CELF2: variants seen among roughly 807,000 people sequenced by gnomAD.
The protein encoded by CELF2 is CUGBP Elav-like family member 2.
Under a neutral mutation model 62.6 loss-of-function variants are expected in CELF2, and 8 were observed. That is an observed-to-expected ratio of 0.13 (90% CI 0.07 to 0.23). CELF2 has a LOEUF of 0.23. Among genes scored for constraint, CELF2 ranks in the 10% least tolerant of loss-of-function variants. CELF2 has a pLI of 1.00. For synonymous variants in CELF2, 258 were observed against 250.0 expected, an observed-to-expected ratio of 1.03 and a Z score of -0.30; for missense variants, 333 against 671.0, an observed-to-expected ratio of 0.50 and a Z score of 5.56.
intron 2 of CELF2, among the ~76,000 whole-genome samples, chr10:10,979,843 A>G (rs1172900495): frequency 6.6e-6 from 1 of 152,228 alleles, no homozygotes; most frequent in Non-Finnish European, 1.5e-5. Context: ...TGATAACAGT[A>G]AAGTGAAAAA....
intron 1 of CELF2, among the ~76,000 whole-genome samples, chr10:10,807,326 C>T (rs1478004876): frequency 1.3e-5 from 2 of 152,206 alleles, no homozygotes; most frequent in Admixed American, 6.5e-5. Flanking sequence ...AGGTATCAGC[C>T]TAGTTCTTCC....
At chr10:10,668,928 AGCCTG>A in the CELF2 span, among the ~76,000 whole-genome samples, 1 of 152,188 alleles carries the variant, frequency 6.6e-6, no homozygotes, top group East Asian at 1.9e-4. Flanking sequence ...ACTACACTCC[AGCCTG>A]GGCAACAGAG....
At chr10:11,148,791 C>T (rs2062744777) in intron 1 of CELF2, among the ~76,000 whole-genome samples, 1 of 151,964 alleles carries the variant, frequency 6.6e-6, no homozygotes. Flanking sequence ...ATATCTGCCT[C>T]CAGCCAGCCA....
chr10:10,958,218 G>A (rs1250732143), intron 2 of CELF2, among the ~76,000 whole-genome samples: 1 of 152,224 alleles, frequency 6.6e-6, no homozygotes, highest in East Asian at 1.9e-4. Flanking sequence ...GCTGAAATCT[G>A]TGCTTGGCTT....
At chr10:11,241,303 G>A (rs750949974) in intron 3 of CELF2, among the ~76,000 whole-genome samples, 1 of 152,204 alleles carries the variant, frequency 6.6e-6, no homozygotes, top group South Asian at 2.1e-4. Context: ...AGGTTCAAGC[G>A]ATTCTCCTGC....
In CELF2 at chr10:11,290,821, T is replaced by C. The variant is rs962213244; in HGVS notation, c.976+2269T>C. ...ACTGAGGAATGCTTTGCATAATAAC[T>C]GAAAGTATTTTATTAGAATCCTAAA... On this transcript the variant is annotated intron_variant, in intron 9 of 12. Coordinates refer to ENST00000633077, the MANE Select transcript of CELF2 (RefSeq NM_001326342.2). This position sits in a 1 kb window ranked among gnomAD's most constrained non-coding sequence, Gnocchi z 4.3. Among the ~76,000 whole-genome samples, 1 of 152,228 alleles carries C rather than the reference T, an allele frequency of 6.6e-6. No individual in the cohort carries two copies. Among genetic ancestry groups the C allele is most frequent in the Non-Finnish European group, 1.5e-5 (1 of 68,042 alleles).
the CELF2 span, among the ~76,000 whole-genome samples, chr10:10,590,884 C>T: frequency 6.6e-6 from 1 of 152,070 alleles, no homozygotes; most frequent in African/African-American, 2.4e-5. Context: ...TCTTTTAAAC[C>T]CTATTCCTCC....
At chr10:10,759,690 G>C in the CELF2 span, among the ~76,000 whole-genome samples, 10 of 151,972 alleles carry the variant, frequency 6.6e-5, no homozygotes, top group Admixed American at 1.3e-4. Context: ...CAACACATAG[G>C]AGAATCACCA....
chr10:11,166,849 C>T (rs59264149), intron 2 of CELF2, among the ~76,000 whole-genome samples: 6 of 152,212 alleles, frequency 3.9e-5, no homozygotes, highest in South Asian at 2.1e-4. Context: ...TCTGTGACTC[C>T]GAGAAATTTT....
Position 11,242,889 on chromosome 10 carries a change from GCCA to G in CELF2, c.355-6260_355-6258del, listed in dbSNP as rs2074398980. 6.6e-6 allele frequency among the ~76,000 whole-genome samples: 1 copy of G among 152,156 alleles called. No homozygotes were observed. Among genetic ancestry groups the G allele is most frequent in the African/African-American group, 2.4e-5 (1 of 41,424 alleles). On this transcript the variant is annotated intron_variant, in intron 3 of 12. Coordinates refer to ENST00000633077, the MANE Select transcript of CELF2 (RefSeq NM_001326342.2). This position sits in a 1 kb window ranked among gnomAD's most constrained non-coding sequence, Gnocchi z 4.8. ...TGATGCTGGGAGGCTTGTGTGGTCC[GCCA>G]CCAACAGATGGCTCCTACCAGGGCG...
chr10:11,230,955 C>G (rs1488520610), intron 3 of CELF2, among the ~76,000 whole-genome samples: 1 of 152,176 alleles, frequency 6.6e-6, no homozygotes, highest in African/African-American at 2.4e-5. Context: ...GAAAGCAAAG[C>G]ATTTATTACC....
In CELF2 at chr10:11,330,256, C is replaced by A. The variant is rs532729185; in HGVS notation, c.*1203C>A. ...AAAACACCCGGAATCCATCCCGTTT[C>A]GCTCTCTCCAGATGGATTCTCTTGG... On this transcript the variant is annotated 3_prime_UTR_variant, in exon 13 of 13. Coordinates refer to ENST00000633077, the MANE Select transcript of CELF2 (RefSeq NM_001326342.2). This position sits in a 1 kb window ranked among gnomAD's most constrained non-coding sequence, Gnocchi z 4.5. The A allele has an allele frequency of 3.2e-4, 49 of 152,622 alleles. No individual in the cohort carries two copies. Among genetic ancestry groups the A allele is most frequent in the Non-Finnish European group, 1.8e-4 (12 of 68,046 alleles). The allele number at this position is 152,622 out of a possible 1,614,324, so 9.5% of individuals were successfully genotyped here.
chr10:11,069,308 T>C (rs2140910222), intron 1 of CELF2, among the ~76,000 whole-genome samples: 1 of 152,330 alleles, frequency 6.6e-6, no homozygotes, highest in African/African-American at 2.4e-5. Context: ...ATTCAGAAGA[T>C]AAATGCCAAA....
At chr10:10,609,783 G>A in the CELF2 span, among the ~76,000 whole-genome samples, 2 of 152,158 alleles carry the variant, frequency 1.3e-5, no homozygotes, top group African/African-American at 4.8e-5. Context: ...CACCCAACTG[G>A]CTTGTGACTC....
chr10:10,775,200 C>G, the CELF2 span, among the ~76,000 whole-genome samples: 1 of 152,072 alleles, frequency 6.6e-6, no homozygotes. Flanking sequence ...TAGTTAAGAC[C>G]TGGAATGTGA....
the CELF2 span, among the ~76,000 whole-genome samples, chr10:10,556,381 C>G: frequency 6.6e-6 from 1 of 152,082 alleles, no homozygotes; most frequent in Non-Finnish European, 1.5e-5. Context: ...TTTATGGCTG[C>G]ATAGTATTCC....
chr10:10,644,405 G>GTGTC, the CELF2 span, among the ~76,000 whole-genome samples: 1 of 97,918 alleles, frequency 1.0e-5, no homozygotes, highest in Admixed American at 1.1e-4. Flanking sequence ...GTGTGTTCGT[G>GTGTC]TGTGTGTGTG....
intron 1 of CELF2, among the ~76,000 whole-genome samples, chr10:10,891,503 G>A (rs768453894): frequency 1.3e-5 from 2 of 151,626 alleles, no homozygotes; most frequent in East Asian, 1.9e-4. Context: ...ACAAACGTTA[G>A]AGCTTGTAAT....
intron 2 of CELF2, among the ~76,000 whole-genome samples, chr10:11,203,350 C>T (rs2059709450): frequency 6.6e-6 from 1 of 152,150 alleles, no homozygotes. Context: ...CTCTTCCTAC[C>T]TGCTAATGAG....
Sources: allele counts gnomAD v4.1 joint callset (sites outside exome capture counted in the v4.1 genomes callset), GRCh38; gene constraint gnomAD v4.1.1; non-coding constraint Gnocchi (gnomAD v3.1); transcripts MANE v1.5; gene names NCBI Gene and HGNC (gene_info 2026-07-23, HGNC 2026-07-21).